CNTNAP2: variants seen among roughly 807,000 people sequenced by gnomAD.
The protein encoded by CNTNAP2 is contactin-associated protein-like 2.
CNTNAP2 carries 98 observed loss-of-function variants against 155.2 expected under a neutral mutation model. The observed-to-expected ratio is 0.63, with a 90% CI of 0.54 to 0.75. The LOEUF (loss-of-function observed/expected upper bound fraction) is 0.75, where lower values mean the gene tolerates loss of function less well. Ranked by LOEUF, CNTNAP2 falls within the 30% of genes least tolerant of loss-of-function variation. The pLI is 0.00. For synonymous variants in CNTNAP2, 651 were observed against 631.2 expected (o/e 1.03, Z -0.47); for missense variants, 1,727 against 1,688.1 (o/e 1.02, Z -0.40).
chr7:146,991,710 C>T (rs191000343), intron 3 of CNTNAP2, among the ~76,000 whole-genome samples: 19 of 152,082 alleles, frequency 1.2e-4, no homozygotes, highest in Non-Finnish European at 1.5e-4. Context: ...CAATTTTGCT[C>T]GTGGAAACAA....
intron 1 of CNTNAP2, among the ~76,000 whole-genome samples, chr7:146,252,903 C>T (rs1196647680): frequency 6.6e-6 from 1 of 152,018 alleles, no homozygotes; most frequent in Non-Finnish European, 1.5e-5. Flanking sequence ...ATAATGAGAG[C>T]AACAATTATA....
At chr7:147,453,043 A>G (rs2116572256) in intron 10 of CNTNAP2, among the ~76,000 whole-genome samples, 1 of 152,116 alleles carries the variant, frequency 6.6e-6, no homozygotes, top group South Asian at 2.1e-4. Flanking sequence ...AGAGAAAGGG[A>G]AAGAAGGAAG....
intron 14 of CNTNAP2, among the ~76,000 whole-genome samples, chr7:147,917,296 G>C (rs1435199579): frequency 1.3e-5 from 2 of 152,186 alleles, no homozygotes; most frequent in Non-Finnish European, 2.9e-5. Context: ...TGTAGCCAAG[G>C]TTAAAAACCA....
At chr7:146,724,984 G>A (rs1293625749) in intron 1 of CNTNAP2, among the ~76,000 whole-genome samples, 1 of 152,148 alleles carries the variant, frequency 6.6e-6, no homozygotes, top group Non-Finnish European at 1.5e-5. Flanking sequence ...GGAGGTTAAA[G>A]TCTGCAACCC....
chr7:147,585,575 A>G (rs1800603148), intron 12 of CNTNAP2, among the ~76,000 whole-genome samples: 1 of 151,212 alleles, frequency 6.6e-6, no homozygotes, highest in South Asian at 2.1e-4. Context: ...TATAGATGAT[A>G]TTAATGTGGA....
intron 13 of CNTNAP2, among the ~76,000 whole-genome samples, chr7:147,682,945 G>A (rs1448657539): frequency 6.6e-6 from 1 of 151,710 alleles, no homozygotes; most frequent in Non-Finnish European, 1.5e-5. Context: ...GCTATTATGG[G>A]TAAAAAACAT....
chr7:146,222,042 T>G (rs1799215449), intron 1 of CNTNAP2, among the ~76,000 whole-genome samples: 1 of 152,184 alleles, frequency 6.6e-6, no homozygotes, highest in African/African-American at 2.4e-5. Flanking sequence ...TGTTACAGCA[T>G]GTCAAGAAGG....
intron 13 of CNTNAP2, among the ~76,000 whole-genome samples, chr7:147,649,949 G>A (rs542317125): frequency 9.6e-4 from 146 of 152,006 alleles, no homozygotes; most frequent in Non-Finnish European, 1.6e-3. Flanking sequence ...AAAAAGTACT[G>A]ACAATTTTAT....
At chr7:146,502,894 C>T (rs1047156639) in intron 1 of CNTNAP2, among the ~76,000 whole-genome samples, 2 of 152,156 alleles carry the variant, frequency 1.3e-5, no homozygotes, top group Admixed American at 1.3e-4. Context: ...GGATTACAGG[C>T]AAGAGCCGCC....
In CNTNAP2 at chr7:147,075,663, G is replaced by A. The variant is rs538163176; in HGVS notation, c.550+31609G>A. On this transcript the variant is annotated intron_variant, in intron 4 of 23. Coordinates refer to ENST00000361727, the MANE Select transcript of CNTNAP2 (RefSeq NM_014141.6). Reference sequence around the variant, plus strand: ...TTTTTAAATTATACTTTAAGTTCTAGGGTACATGTGTACAACGTGCAGGTT... The same window carrying A: ...TTTTTAAATTATACTTTAAGTTCTAAGGTACATGTGTACAACGTGCAGGTT... Among the ~76,000 whole-genome samples, 38 of 151,752 alleles carry A rather than the reference G, an allele frequency of 2.5e-4. No individual in the cohort carries two copies. In the South Asian group the frequency reaches 7.7e-3, roughly 31 times the overall value.
intron 13 of CNTNAP2, among the ~76,000 whole-genome samples, chr7:147,850,255 C>T (rs868460409): frequency 8.5e-5 from 13 of 152,056 alleles, no homozygotes; most frequent in African/African-American, 2.2e-4. Context: ...CACTGCTCAG[C>T]GAAATAAAAG....
At chr7:146,812,361 A>G (rs1055651747) in intron 2 of CNTNAP2, among the ~76,000 whole-genome samples, 1 of 151,518 alleles carries the variant, frequency 6.6e-6, no homozygotes, top group African/African-American at 2.4e-5. Context: ...CCTGCCCTAG[A>G]GATTTCTGGA....
chr7:146,135,047 CTT>C (rs938746283), intron 1 of CNTNAP2, among the ~76,000 whole-genome samples: 2 of 151,988 alleles, frequency 1.3e-5, no homozygotes, highest in Admixed American at 1.3e-4. Flanking sequence ...GTCCTGGACT[CTT>C]TTTTATAATG....
At chr7:147,259,497 AATATT>A (rs1407801921) in intron 8 of CNTNAP2, among the ~76,000 whole-genome samples, 2 of 152,230 alleles carry the variant, frequency 1.3e-5, no homozygotes, top group African/African-American at 2.4e-5. Flanking sequence ...CTAAAAGAAA[AATATT>A]AAATAAACAA....
rs142810031 is a variant in CNTNAP2, at chr7:147,627,420, G to A, written c.1898-11686G>A. 2.7e-3 allele frequency among the ~76,000 whole-genome samples: 414 copies of A among 152,168 alleles called. 4 individuals carry two copies. The highest frequency in any genetic ancestry group is 8.8e-3 in the African/African-American group (364 of 41,522). On this transcript the variant is annotated intron_variant, in intron 12 of 23. Transcript: ENST00000361727. The stretch of plus-strand genomic sequence containing the variant: ...AACTTAAAGATATTAAAACAAGGTG[G>A]GGCATGGTGGCTCACGCCTGAAATC...
intron 13 of CNTNAP2, among the ~76,000 whole-genome samples, chr7:147,686,477 C>T (rs1311530854): frequency 6.6e-6 from 1 of 151,912 alleles, no homozygotes; most frequent in Non-Finnish European, 1.5e-5. Flanking sequence ...GAGGTGTATA[C>T]TATAAATATA....
chr7:147,916,403 C>T (rs56121583), intron 14 of CNTNAP2, among the ~76,000 whole-genome samples: 43,668 of 151,810 alleles, frequency 0.29, 6,656 homozygotes, highest in East Asian at 0.52. Context: ...GGCCACTGCC[C>T]CCAAATAATA....
intron 10 of CNTNAP2, among the ~76,000 whole-genome samples, chr7:147,398,033 T>C (rs866280522): frequency 6.6e-6 from 1 of 152,092 alleles, no homozygotes; most frequent in Non-Finnish European, 1.5e-5. Flanking sequence ...ATTCCTTTAG[T>C]CACCTAAAAT....
In CNTNAP2 at chr7:146,823,145, T is replaced by G. The variant is rs995610769; in HGVS notation, c.209-16566T>G. Among the ~76,000 whole-genome samples, 186 of 138,732 alleles carry G rather than the reference T, an allele frequency of 1.3e-3. 2 individuals are homozygous for G. Among genetic ancestry groups the G allele is most frequent in the African/African-American group, 4.5e-3 (165 of 36,524 alleles). The allele number at this position is 138,732 out of a possible 152,430, so 91.0% of individuals were successfully genotyped here. ...GAAATATACTCATTCTTCAGCATAT[T>G]TACATGGAAATATACTCATTCTTCA... is the stretch of plus-strand genomic sequence containing the variant. On this transcript the variant is annotated intron_variant, in intron 2 of 23. Transcript: ENST00000361727.
Sources: gnomAD v4.1 joint callset for allele counts (sites outside exome capture counted in the v4.1 genomes callset) on GRCh38, gnomAD v4.1.1 for gene constraint, MANE v1.5 for transcripts, NCBI Gene and HGNC (gene_info 2026-07-23, HGNC 2026-07-21) for gene names.